The following MIGA2 variants were observed in gnomAD, a reference collection of about 807,000 sequenced individuals.
The protein encoded by MIGA2 is mitoguardin 2.
Under a neutral mutation model 69.9 loss-of-function variants are expected in MIGA2, and 36 were observed. The observed-to-expected ratio is 0.52, with a 90% confidence interval of 0.39 to 0.68. MIGA2 has a LOEUF of 0.68. MIGA2 is among the 30% of genes least tolerant of loss of function. The pLI is 0.00. For missense variants in MIGA2, 660 were observed against 787.7 expected (o/e 0.84, Z 1.94); for synonymous variants, 333 against 349.2 (o/e 0.95, Z 0.52).
In MIGA2 at chr9:129,059,373, A is replaced by G. The variant is rs185610702; in HGVS notation, c.793+102A>G. ...GGTCGTGGTTCTCTCAGTGCGTCCA[A>G]TGAATCAGAATCCCCAGGGCTCTCC... On this transcript the variant is annotated intron_variant, in intron 7 of 15. Transcript: ENST00000684074. The surrounding 1 kb of genome is among the most constrained non-coding windows in gnomAD (Gnocchi z 5.6). The G allele has an allele frequency of 7.9e-5, 67 of 845,990 alleles. No individual in the cohort carries two copies. Among genetic ancestry groups the G allele is most frequent in the African/African-American group, 7.2e-4 (43 of 59,630 alleles). The allele number at this position is 845,990 out of a possible 1,614,324, so 52.4% of individuals were successfully genotyped here.
At chr9:129,064,684 C>T (rs866723144) in intron 11 of MIGA2, among the ~76,000 whole-genome samples, 1 of 152,070 alleles carries the variant, frequency 6.6e-6, no homozygotes, top group Non-Finnish European at 1.5e-5. Context: ...GAGCTTCGTC[C>T]TGTCTGGCTG....
intron 6 of MIGA2, among the ~76,000 whole-genome samples, chr9:129,056,354 C>T (rs1161026450): frequency 2.0e-5 from 3 of 151,942 alleles, no homozygotes; most frequent in Admixed American, 6.6e-5. Flanking sequence ...TTCCCCCTTC[C>T]GAGCCTTGTC....
chr9:129,042,077 AC>A (rs1443963258), intron 2 of MIGA2: 1 of 570,208 alleles, frequency 1.8e-6, no homozygotes, highest in Non-Finnish European at 3.2e-6. Context: ...CCTAGACCTC[AC>A]CTTCTCGGCA....
rs768958718 is a variant in MIGA2 at position 129,059,271 on chromosome 9, G to T, written c.793G>T (p.Glu265Ter). ...CGCAGACAGCATGCTGCTAGACCTC[G>T]GTGAGCTGGGCCCAGTGCAGGTGGG... ...FPADSMLLDL[E>*]RTLMLPLTEG... The change falls in exon 7 of 16, where the codon GAG (glutamate) becomes TAG (stop). Residue 265 changes from glutamate (E) to a stop codon, truncating the protein, a stop_gained and splice_region_variant. Transcript: ENST00000684074. LOFTEE classifies it high-confidence loss of function. The surrounding 1 kb of genome is among the most constrained non-coding windows in gnomAD (Gnocchi z 5.6). 1.9e-6 allele frequency: 3 copies of T among 1,569,128 alleles called. No individual in the cohort carries two copies. Among genetic ancestry groups the T allele is most frequent in the East Asian group, 2.4e-5 (1 of 42,444 alleles).
chr9:129,061,365 A>C lies in MIGA2; in HGVS notation c.1010+19A>C. On this transcript the variant is annotated intron_variant, in intron 9 of 15. Coordinates refer to ENST00000684074, the MANE Select transcript of MIGA2 (RefSeq NM_001329990.2). The surrounding 1 kb of genome is among the most constrained non-coding windows in gnomAD (Gnocchi z 5.0). ...CCCTCAGGTGAGCAGGTGTGGAGGG[A>C]GGGAGGGAGGGAGCAGGAGGCGATG... 3.5e-6 allele frequency: 2 copies of C among 568,546 alleles called. No homozygotes were observed. Among genetic ancestry groups the C allele is most frequent in the Non-Finnish European group, 6.8e-6 (2 of 294,746 alleles). The allele number at this position is 568,546 out of a possible 1,614,324, so 35.2% of individuals were successfully genotyped here.
At chr9:129,049,080 G>A (rs986924921) in intron 4 of MIGA2, among the ~76,000 whole-genome samples, 3 of 152,182 alleles carry the variant, frequency 2.0e-5, no homozygotes, top group African/African-American at 7.2e-5. Context: ...GAGGAGCCCC[G>A]GCATAGGGGA....
At chr9:129,055,865 T>A (rs1395695760) in intron 6 of MIGA2, among the ~76,000 whole-genome samples, 7 of 141,208 alleles carry the variant, frequency 5.0e-5, no homozygotes, top group South Asian at 2.2e-4. Flanking sequence ...AAAAAAAAAA[T>A]TTGGCCGGGT....
chr9:129,056,604 C>T (rs554233419), intron 6 of MIGA2, among the ~76,000 whole-genome samples: 1 of 151,872 alleles, frequency 6.6e-6, no homozygotes, highest in Non-Finnish European at 1.5e-5. Context: ...CTGCTACCTC[C>T]ACTTCCTGGG....
intron 6 of MIGA2, among the ~76,000 whole-genome samples, chr9:129,055,037 G>A (rs1017979640): frequency 2.7e-5 from 4 of 149,926 alleles, no homozygotes; most frequent in African/African-American, 4.9e-5. Flanking sequence ...GATTACAGGC[G>A]CACGTCACCA....
At chr9:129,041,400 G>A (rs986497695) in intron 2 of MIGA2, among the ~76,000 whole-genome samples, 3 of 151,884 alleles carry the variant, frequency 2.0e-5, no homozygotes, top group Non-Finnish European at 4.4e-5. Flanking sequence ...AGGCTGAGGC[G>A]GGAGGATCAC....
rs17508307 is a variant in MIGA2 at position 129,049,711 on chromosome 9, C to T, written c.539-116C>T. ...TGGAACCTGAGCAGCCCAGGCCACA[C>T]GGTCCCACCCAGTTCTTGCCCTTCA... is the stretch of plus-strand genomic sequence containing the variant. On this transcript the variant is annotated intron_variant, in intron 5 of 15. Coordinates refer to ENST00000684074, the MANE Select transcript of MIGA2 (RefSeq NM_001329990.2). 1.6e-3 allele frequency: 2,502 copies of T among 1,516,538 alleles called. 22 individuals carry two copies. The African/African-American group carries it at 0.027, about 16-fold the overall frequency. 93.9% of individuals were successfully genotyped at this position (1,516,538 alleles called of 1,614,324 possible). A position where few individuals can be genotyped will look rare whatever the true frequency, so the allele number is the denominator to read the frequency against.
At chr9:129,063,129 G>A in intron 9 of MIGA2, 115 bp from the exon 10 acceptor site, 1 of 1,041,604 alleles carries the variant, frequency 9.6e-7, no homozygotes, top group East Asian at 2.5e-5. Flanking sequence ...CCAGGCTGAG[G>A]CAGGGCCAGG....
rs1179159769 is a variant in MIGA2, at chr9:129,048,466, G to A, written c.347G>A (p.Ser116Asn). Residue 116 changes from serine to asparagine, a missense_variant, in exon 4 of 16, where the codon AGC becomes AAC. Physicochemically the swap from Ser to Asn is conservative, Grantham distance 46. Coordinates refer to ENST00000684074, the MANE Select transcript of MIGA2 (RefSeq NM_001329990.2). Reference protein sequence around the residue: ...SRRVQSPSSKSNDTLSGISSI... With the variant: ...SRRVQSPSSKNNDTLSGISSI... ...AGAGTCCAGAGCCCCAGCAGCAAGAGCAACGACACCCTGAGTGGCATCTCT... is the reference window on the plus strand; with the variant it reads ...AGAGTCCAGAGCCCCAGCAGCAAGAACAACGACACCCTGAGTGGCATCTCT... 2.5e-6 allele frequency: 4 copies of A among 1,613,998 alleles called. No individual in the cohort carries two copies. The highest frequency in any genetic ancestry group is 3.4e-6 in the Non-Finnish European group (4 of 1,179,992).
At chr9:129,046,636 AGG>A (rs1246200540) in intron 3 of MIGA2, among the ~76,000 whole-genome samples, 1 of 152,008 alleles carries the variant, frequency 6.6e-6, no homozygotes, top group Non-Finnish European at 1.5e-5. Flanking sequence ...TACTAGAGAC[AGG>A]GTTTCACCAT....
rs1846547715 is a variant in MIGA2 at position 129,069,424 on chromosome 9, GC to G, written c.1458+296del. 1.8e-6 allele frequency: 1 copy of G among 549,382 alleles called. No homozygotes were observed. Among genetic ancestry groups the G allele is most frequent in the Non-Finnish European group, 3.3e-6 (1 of 305,528 alleles). The allele number at this position is 549,382 out of a possible 1,614,324, so 34.0% of individuals were successfully genotyped here. A position where few individuals can be genotyped will look rare whatever the true frequency, so the allele number is the denominator to read the frequency against. On this transcript the variant is annotated intron_variant, in intron 14 of 15. Coordinates refer to ENST00000684074, the MANE Select transcript of MIGA2 (RefSeq NM_001329990.2). This position sits in a 1 kb window ranked among gnomAD's most constrained non-coding sequence, Gnocchi z 4.9. ...GCCTGGTGCAGGCGTCTCGGTGGGG[GC>G]AGGATACCCAGGAGCAAGCAGAGCC...
intron 3 of MIGA2, among the ~76,000 whole-genome samples, chr9:129,046,930 C>T (rs562659213): frequency 2.6e-5 from 4 of 152,156 alleles, no homozygotes; most frequent in South Asian, 2.1e-4. Flanking sequence ...AGGCGTGTGC[C>T]ACCACACCTG....
chr9:129,061,338 G>T lies in MIGA2; in HGVS notation c.1002G>T (p.Arg334=). Reference sequence around the variant, plus strand: ...TGAAGGAGGGGAGAGTGCCTTGCCGGACCCTCAGGTGAGCAGGTGTGGAGG... The same window carrying T: ...TGAAGGAGGGGAGAGTGCCTTGCCGTACCCTCAGGTGAGCAGGTGTGGAGG... ...QLVKEGRVPC[R]TLRTELLGCY... The change falls in exon 9 of 16, where the codon CGG becomes CGT. Residue 334 remains arginine, a synonymous_variant. Coordinates refer to ENST00000684074, the MANE Select transcript of MIGA2 (RefSeq NM_001329990.2). This position sits in a 1 kb window ranked among gnomAD's most constrained non-coding sequence, Gnocchi z 5.0. 8.0e-7 allele frequency: 1 copy of T among 1,245,112 alleles called. No homozygotes were observed. Among genetic ancestry groups the T allele is most frequent in the South Asian group, 1.2e-5 (1 of 84,552 alleles). 77.1% of individuals were successfully genotyped at this position (1,245,112 alleles called of 1,614,324 possible). A position where few individuals can be genotyped will look rare whatever the true frequency, so the allele number is the denominator to read the frequency against.
intron 5 of MIGA2, 35 bp downstream of exon 5, chr9:129,049,533 G>A (rs1845409747): frequency 6.3e-7 from 1 of 1,599,110 alleles, no homozygotes; most frequent in South Asian, 1.1e-5. Context: ...TCGAGGGCAG[G>A]GTGGGTGGCA....
At chr9:129,051,287 T>TTTTTTTTTGGAGACGGAGTCTCAC (rs1845522648) in intron 6 of MIGA2, 1 of 182,784 alleles carries the variant, frequency 5.5e-6, no homozygotes, top group African/African-American at 2.5e-5. Context: ...TTTATTTATT[T>TTTTTTTTTGGAGACGGAGTCTCAC]TTTTTTTTGG....
Sources: gnomAD v4.1 joint callset for allele counts (sites outside exome capture counted in the v4.1 genomes callset) on GRCh38, gnomAD v4.1.1 for gene constraint, Gnocchi (gnomAD v3.1) non-coding constraint, MANE v1.5 for transcripts, NCBI Gene and HGNC (gene_info 2026-07-23, HGNC 2026-07-21) for gene names.